Variants in ZNF804B observed in about 807,000 individuals in gnomAD.
The protein encoded by ZNF804B is zinc finger protein 804B, also known as zinc finger 804B.
A neutral mutation model predicts 101.4 loss-of-function variants in ZNF804B; 80 were observed. That is an observed-to-expected ratio of 0.79 (90% CI 0.66 to 0.95). The LOEUF is 0.95. ZNF804B is among the 40% of genes least tolerant of loss of function. The pLI, the probability that ZNF804B is intolerant of heterozygous loss-of-function variation, is 0.00. For missense variants in ZNF804B, 1,673 were observed against 1,561.9 expected, an observed-to-expected ratio of 1.07 and a Z score of -1.20; for synonymous variants, 622 against 558.8, an observed-to-expected ratio of 1.11 and a Z score of -1.59.
At chr7:89,063,948 T>A (rs1436861685) in intron 1 of ZNF804B, among the ~76,000 whole-genome samples, 1 of 152,210 alleles carries the variant, frequency 6.6e-6, no homozygotes, top group Admixed American at 6.5e-5. Flanking sequence ...TGTGTTACTC[T>A]CAATAAACTA....
chr7:88,771,787 G>A (rs977137395), intron 1 of ZNF804B, among the ~76,000 whole-genome samples: 2 of 152,094 alleles, frequency 1.3e-5, no homozygotes, highest in Admixed American at 1.3e-4. Context: ...TGATCATCAT[G>A]TAGATTTAGA....
intron 1 of ZNF804B, among the ~76,000 whole-genome samples, chr7:89,195,835 T>A (rs1222369809): frequency 6.6e-6 from 1 of 151,594 alleles, no homozygotes; most frequent in Non-Finnish European, 1.5e-5. Context: ...TACCTAGAAA[T>A]ATAATTTACA....
At chr7:89,230,936 G>C (rs1192259199) in intron 2 of ZNF804B, among the ~76,000 whole-genome samples, 2 of 151,852 alleles carry the variant, frequency 1.3e-5, no homozygotes, top group African/African-American at 2.4e-5. Flanking sequence ...TTTCTAACTT[G>C]GTTGCTTGCC....
intron 2 of ZNF804B, among the ~76,000 whole-genome samples, chr7:89,277,421 G>A (rs1405717890): frequency 7.2e-6 from 1 of 138,378 alleles, no homozygotes; most frequent in East Asian, 2.1e-4. Context: ...CTGGTGCGCT[G>A]CACCCACTAA....
intron 1 of ZNF804B, among the ~76,000 whole-genome samples, chr7:88,778,165 A>G (rs1233750967): frequency 6.6e-6 from 1 of 152,112 alleles, no homozygotes; most frequent in African/African-American, 2.4e-5. Context: ...ATTCATTTTA[A>G]TGTTTTTTTT....
intron 2 of ZNF804B, among the ~76,000 whole-genome samples, chr7:89,308,212 G>T (rs73384378): frequency 6.6e-6 from 1 of 152,034 alleles, no homozygotes; most frequent in African/African-American, 2.4e-5. Flanking sequence ...AATAGGTAAG[G>T]CATTAGAAAA....
At chr7:89,102,824 A>G (rs1790075553) in intron 1 of ZNF804B, among the ~76,000 whole-genome samples, 1 of 151,894 alleles carries the variant, frequency 6.6e-6, no homozygotes, top group South Asian at 2.1e-4. Context: ...TCCTACATTT[A>G]GGTGTTTAAT....
intron 1 of ZNF804B, among the ~76,000 whole-genome samples, chr7:88,924,666 A>G (rs1792769763): frequency 6.6e-6 from 1 of 152,126 alleles, no homozygotes. Context: ...TGGCTCACTC[A>G]TTTCATTCAA....
chr7:89,169,629 G>A (rs532518754), intron 1 of ZNF804B, among the ~76,000 whole-genome samples: 6 of 152,132 alleles, frequency 3.9e-5, no homozygotes, highest in Admixed American at 6.5e-5. Context: ...TAAGGTCATT[G>A]TTCTCATACA....
At chr7:89,046,589 C>T (rs1464490688) in intron 1 of ZNF804B, among the ~76,000 whole-genome samples, 1 of 152,224 alleles carries the variant, frequency 6.6e-6, no homozygotes, top group East Asian at 1.9e-4. Flanking sequence ...ACCAAATATA[C>T]CTCCTTAAAA....
intron 1 of ZNF804B, among the ~76,000 whole-genome samples, chr7:88,876,706 C>G (rs1241415133): frequency 1.3e-5 from 2 of 151,958 alleles, no homozygotes. Context: ...AAGCTGTAAA[C>G]TCCTTGAAAA....
At chr7:88,801,350 G>A (rs903480453) in intron 1 of ZNF804B, among the ~76,000 whole-genome samples, 5 of 151,866 alleles carry the variant, frequency 3.3e-5, no homozygotes, top group African/African-American at 4.8e-5. Flanking sequence ...GGACTTCTAT[G>A]CCACGCTCAG....
At chr7:88,794,650 T>G (rs755441652) in intron 1 of ZNF804B, 2 of 1,613,818 alleles carry the variant, frequency 1.2e-6, no homozygotes, top group Non-Finnish European at 8.5e-7. Flanking sequence ...CTCGAGGATA[T>G]GCAGAATGGA....
At chr7:88,921,047 T>G (rs1257939624) in intron 1 of ZNF804B, among the ~76,000 whole-genome samples, 2 of 152,084 alleles carry the variant, frequency 1.3e-5, no homozygotes, top group Non-Finnish European at 2.9e-5. Flanking sequence ...GTATCCTTGC[T>G]GATAAAACGA....
At chr7:88,913,948 G>A (rs1792591375) in intron 1 of ZNF804B, among the ~76,000 whole-genome samples, 1 of 152,178 alleles carries the variant, frequency 6.6e-6, no homozygotes, top group Admixed American at 6.5e-5. Context: ...AGCTGACTGA[G>A]CAAAGTTGCC....
intron 2 of ZNF804B, among the ~76,000 whole-genome samples, chr7:89,305,409 G>C (rs1022699588): frequency 6.6e-6 from 1 of 151,854 alleles, no homozygotes; most frequent in African/African-American, 2.4e-5. Context: ...ACATCATATA[G>C]TTTGAAAGAA....
chr7:89,127,893 T>C (rs1403557530), intron 1 of ZNF804B, among the ~76,000 whole-genome samples: 1 of 151,610 alleles, frequency 6.6e-6, no homozygotes, highest in Admixed American at 6.6e-5. Context: ...TATCTGTAAG[T>C]ATGTATAATT....
chr7:88,946,981 G>T (rs1021698301), intron 1 of ZNF804B, among the ~76,000 whole-genome samples: 3 of 152,000 alleles, frequency 2.0e-5, no homozygotes, highest in Admixed American at 2.0e-4. Context: ...TCTCACGCCA[G>T]TTAGAAGGGT....
At chr7:88,925,998 A>T (rs1792791576) in intron 1 of ZNF804B, among the ~76,000 whole-genome samples, 1 of 152,182 alleles carries the variant, frequency 6.6e-6, no homozygotes, top group Non-Finnish European at 1.5e-5. Context: ...ACCTGCCCAT[A>T]GACTGGAGTC....
Sources: allele counts gnomAD v4.1 joint callset (sites outside exome capture counted in the v4.1 genomes callset), GRCh38; gene constraint gnomAD v4.1.1; transcripts MANE v1.5; gene names NCBI Gene and HGNC (gene_info 2026-07-23, HGNC 2026-07-21).